PRR16: variants seen among roughly 807,000 people sequenced by gnomAD.
The protein encoded by PRR16 is protein Largen.
In PRR16, 6 loss-of-function variants were observed where a neutral mutation model predicts 18.2. That is an observed-to-expected ratio of 0.33 (90% CI 0.18 to 0.65). The LOEUF (loss-of-function observed/expected upper bound fraction) is 0.65. Among genes scored for constraint, PRR16 ranks in the 30% least tolerant of loss-of-function variants. The pLI, the probability that PRR16 is intolerant of heterozygous loss-of-function variation, is 0.74. For missense variants in PRR16, 412 were observed against 376.6 expected, an observed-to-expected ratio of 1.09 and a Z score of -0.78; for synonymous variants, 151 against 147.8, an observed-to-expected ratio of 1.02 and a Z score of -0.16.
At chr5:120,614,169 A>G (rs1454157865) in intron 1 of PRR16, among the ~76,000 whole-genome samples, 7 of 152,224 alleles carry the variant, frequency 4.6e-5, no homozygotes, top group Admixed American at 4.6e-4. Flanking sequence ...TTTTAAAAAT[A>G]TATGTCATTG....
rs1488410167 is a variant in PRR16 at position 120,538,321 on chromosome 5, G to C, written c.159+73676G>C. 2.6e-5 allele frequency among the ~76,000 whole-genome samples: 4 copies of C among 152,274 alleles called. No homozygotes were observed. The South Asian group carries it at 8.3e-4, about 32-fold the overall frequency. ...TCTGAGATTTTTAAGGGAAGCTCTT[G>C]AGAAAACATAGCATTTTCAGTTGTA... On this transcript the variant is annotated intron_variant, in intron 1 of 1. Coordinates refer to ENST00000407149, the MANE Select transcript of PRR16 (RefSeq NM_001300783.2).
At chr5:120,731,073 G>T in the PRR16 span, among the ~76,000 whole-genome samples, 1 of 152,064 alleles carries the variant, frequency 6.6e-6, no homozygotes, top group Non-Finnish European at 1.5e-5. Context: ...TTTAAAATAT[G>T]GCATTTAGGT....
chr5:120,697,721 T>G, the PRR16 span, among the ~76,000 whole-genome samples: 131 of 151,898 alleles, frequency 8.6e-4, no homozygotes, highest in African/African-American at 2.9e-3. Flanking sequence ...CAAAGGGGGT[T>G]TGTTCTCTGG....
intron 1 of PRR16, among the ~76,000 whole-genome samples, chr5:120,605,118 G>C (rs1225243688): frequency 2.0e-5 from 3 of 152,146 alleles, no homozygotes; most frequent in East Asian, 3.9e-4. Context: ...TTGTGGTTTT[G>C]TGGACAGTAT....
chr5:120,617,547 T>G (rs1282738451), intron 1 of PRR16, among the ~76,000 whole-genome samples: 1 of 152,166 alleles, frequency 6.6e-6, no homozygotes, highest in African/African-American at 2.4e-5. Context: ...ACCGCAAGAT[T>G]TAACGTCCAA....
rs188903464 is a variant in PRR16 at position 120,652,349 on chromosome 5, T to C, written c.160-33605T>C. 8.3e-3 allele frequency among the ~76,000 whole-genome samples: 1,265 copies of C among 152,244 alleles called. 7 individuals are homozygous for C. Among genetic ancestry groups the C allele is most frequent in the South Asian group, 0.028 (135 of 4,824 alleles). On this transcript the variant is annotated intron_variant, in intron 1 of 1. Transcript: ENST00000407149. Reference sequence around the variant, plus strand: ...AGTCATGATATACTTTGGAGTCATATAAGCTTGTTACTTTTAGTATGTATT... The same window carrying C: ...AGTCATGATATACTTTGGAGTCATACAAGCTTGTTACTTTTAGTATGTATT...
At chr5:120,586,540 C>A (rs929904604) in intron 1 of PRR16, among the ~76,000 whole-genome samples, 1 of 151,812 alleles carries the variant, frequency 6.6e-6, no homozygotes, top group South Asian at 2.1e-4. Context: ...TTTTGGTAAT[C>A]CCTACAATAA....
Position 120,522,133 on chromosome 5 carries a change from C to T in PRR16, c.159+57488C>T, listed in dbSNP as rs549297116. ...TGTGAATAGTGCTGCAATAAACATA[C>T]GTGTGCATGTGTCTTTATAGCAGCA... On this transcript the variant is annotated intron_variant, in intron 1 of 1. Transcript: ENST00000407149. 9.1e-4 allele frequency among the ~76,000 whole-genome samples: 139 copies of T among 152,254 alleles called. 2 individuals carry two copies. Among genetic ancestry groups the T allele is most frequent in the Non-Finnish European group, 1.4e-3 (98 of 68,024 alleles).
chr5:120,579,229 T>C (rs1231085853), intron 1 of PRR16, among the ~76,000 whole-genome samples: 1 of 152,180 alleles, frequency 6.6e-6, no homozygotes, highest in Non-Finnish European at 1.5e-5. Flanking sequence ...ATAGTTTCTT[T>C]TGCTGTGCAG....
the PRR16 span, among the ~76,000 whole-genome samples, chr5:120,765,782 C>T: frequency 2.6e-5 from 4 of 151,962 alleles, no homozygotes; most frequent in Admixed American, 2.6e-4. Flanking sequence ...CACTATTTCT[C>T]ACACTCAAGA....
chr5:120,567,913 A>T (rs1359604459), intron 1 of PRR16, among the ~76,000 whole-genome samples: 1 of 152,062 alleles, frequency 6.6e-6, no homozygotes, highest in Non-Finnish European at 1.5e-5. Flanking sequence ...ATCACTTTGG[A>T]TCAGGCCCTC....
chr5:120,658,225 G>T (rs1427489826), intron 1 of PRR16: 1 of 151,704 alleles, frequency 6.6e-6, no homozygotes, highest in African/African-American at 2.4e-5. Flanking sequence ...GTACTGAGAA[G>T]CTCACAGTCG....
chr5:120,710,821 T>C, the PRR16 span: 1 of 152,224 alleles, frequency 6.6e-6, no homozygotes, highest in Admixed American at 6.5e-5. Context: ...GTGGGTGTAA[T>C]ACTGCCTCTT....
chr5:120,734,337 C>G, the PRR16 span, among the ~76,000 whole-genome samples: 1,424 of 151,586 alleles, frequency 9.4e-3, 17 homozygotes, highest in African/African-American at 0.029. Flanking sequence ...CTCTCTCTCT[C>G]TGTGTGTGTG....
intron 1 of PRR16, among the ~76,000 whole-genome samples, chr5:120,571,189 T>G (rs1752895363): frequency 6.6e-6 from 1 of 152,208 alleles, no homozygotes; most frequent in Non-Finnish European, 1.5e-5. Flanking sequence ...AGCATACAGT[T>G]TGATACTCTG....
At chr5:120,701,606 C>A in the PRR16 span, among the ~76,000 whole-genome samples, 18 of 152,068 alleles carry the variant, frequency 1.2e-4, no homozygotes, top group African/African-American at 4.3e-4. Context: ...GGAGCAGAGG[C>A]TGAGGAAGAA....
At chr5:120,663,781 A>G (rs1756259764) in intron 1 of PRR16, among the ~76,000 whole-genome samples, 1 of 152,278 alleles carries the variant, frequency 6.6e-6, no homozygotes, top group Middle Eastern at 3.4e-3. Context: ...AGTCTAAGCT[A>G]CCTCTCAACC....
At chr5:120,766,628 C>T in the PRR16 span, among the ~76,000 whole-genome samples, 1 of 151,856 alleles carries the variant, frequency 6.6e-6, no homozygotes, top group African/African-American at 2.4e-5. Context: ...TCTGATTTTC[C>T]ATTGCACTGA....
the PRR16 span, among the ~76,000 whole-genome samples, chr5:120,786,435 C>T: frequency 6.6e-6 from 1 of 151,174 alleles, no homozygotes; most frequent in Non-Finnish European, 1.5e-5. Flanking sequence ...TTTTTTTTAA[C>T]ATGATTTTGG....
Sources: gnomAD v4.1 joint callset for allele counts (sites outside exome capture counted in the v4.1 genomes callset) on GRCh38, gnomAD v4.1.1 for gene constraint, MANE v1.5 for transcripts, NCBI Gene and HGNC (gene_info 2026-07-23, HGNC 2026-07-21) for gene names.